Variants in BLOC1S3 observed in about 807,000 individuals in gnomAD.
The protein encoded by BLOC1S3 is biogenesis of lysosome-related organelles complex 1 subunit 3.
BLOC1S3 carries 7 observed loss-of-function variants against 9.1 expected under a neutral mutation model. The ratio of observed to expected loss-of-function variants is 0.77; its 90% confidence interval spans 0.44 to 1.45. The LOEUF (loss-of-function observed/expected upper bound fraction) is 1.45. Ranked by LOEUF, BLOC1S3 falls within the 40% of genes most tolerant of loss-of-function variation. BLOC1S3 has a pLI of 0.01. For synonymous variants in BLOC1S3, 145 were observed against 158.4 expected (o/e 0.92, Z 0.64); for missense variants, 307 against 315.2 (o/e 0.97, Z 0.20).
intron 2 of BLOC1S3, among the ~76,000 whole-genome samples, chr19:45,193,159 AAGAG>A (rs1969620175): frequency 6.8e-6 from 1 of 146,512 alleles, no homozygotes; most frequent in Non-Finnish European, 1.5e-5. Flanking sequence ...AAAAAAAAAA[AAGAG>A]ACTATTTTTG....
chr19:45,188,184 G>A (rs1184300700), intron 2 of BLOC1S3, among the ~76,000 whole-genome samples: 2 of 152,016 alleles, frequency 1.3e-5, no homozygotes, highest in African/African-American at 2.4e-5. Flanking sequence ...CACTATGTCC[G>A]ACTAATTTTT....
chr19:45,212,204 T>C (rs893483120), intron 3 of BLOC1S3, among the ~76,000 whole-genome samples: 2 of 152,100 alleles, frequency 1.3e-5, no homozygotes, highest in African/African-American at 4.8e-5. Context: ...CCAGGAGGTG[T>C]ACATGGGTTG....
At chr19:45,185,811 A>T (rs1187487828), downstream of BLOC1S3, among the ~76,000 whole-genome samples, 1 of 151,818 alleles carries the variant, frequency 6.6e-6, no homozygotes, top group East Asian at 1.9e-4. Flanking sequence ...TTTGTGCTTT[A>T]GCAAGAGATA....
chr19:45,206,439 G>T (rs1969726040), intron 3 of BLOC1S3, among the ~76,000 whole-genome samples: 1 of 72,796 alleles, frequency 1.4e-5, no homozygotes, highest in African/African-American at 6.5e-5. Context: ...ACCTTCTTTT[G>T]GATTAATCAA....
rs141286841 is a variant in BLOC1S3, at chr19:45,181,037, TG to T, written c.*1133del. The T allele has an allele frequency of 8.7e-3, 1,453 of 167,562 alleles. 9 individuals carry two copies. The highest frequency in any genetic ancestry group is 0.013 in the Middle Eastern group (4 of 298). 10.4% of individuals were successfully genotyped at this position (167,562 alleles called of 1,614,324 possible). A position where few individuals can be genotyped will look rare whatever the true frequency, so the allele number is the denominator to read the frequency against. On this transcript the variant is annotated 3_prime_UTR_variant, in exon 2 of 2. Transcript: ENST00000433642. ...CACTGCGCCTAGCCAGCTGGGTCCT[TG>T]TTCTGCTGCCCAAGCTTGGCCCTGG...
chr19:45,210,466 G>A lies in BLOC1S3; in HGVS notation n.283-6210G>A, dbSNP rs376770411. Among the ~76,000 whole-genome samples the A allele has an allele frequency of 2.0e-5, 3 of 151,392 alleles. No homozygotes were observed. In the South Asian group the frequency reaches 6.3e-4, roughly 32 times the overall value. On this transcript the variant is annotated intron_variant and non_coding_transcript_variant, in intron 3 of 3. Coordinates refer to the BLOC1S3 transcript ENST00000591569. ...TAGATGCGCCACCACGCCTGGCTAAGTTTTGAATTTTTAGTAGAGATGTGG... is the reference window on the plus strand; with the variant it reads ...TAGATGCGCCACCACGCCTGGCTAAATTTTGAATTTTTAGTAGAGATGTGG...
At chr19:45,215,883 G>A (rs919985787) in intron 3 of BLOC1S3, among the ~76,000 whole-genome samples, 6 of 152,274 alleles carry the variant, frequency 3.9e-5, no homozygotes, top group African/African-American at 7.2e-5. Flanking sequence ...CGGTGGCGGC[G>A]GAGGCAGCAG....
At chr19:45,193,056 C>T (rs555335152) in intron 2 of BLOC1S3, among the ~76,000 whole-genome samples, 1 of 142,606 alleles carries the variant, frequency 7.0e-6, no homozygotes, top group Non-Finnish European at 1.5e-5. Flanking sequence ...TACTTGAACC[C>T]AGGAGGCGGA....
At chr19:45,212,598 C>CTT (rs530736333) in intron 3 of BLOC1S3, 11,064 of 111,026 alleles carry the variant, frequency 0.1, 841 homozygotes, top group African/African-American at 0.21. Context: ...TTCCCCCTAC[C>CTT]TTTTTTTTTT....
At chr19:45,201,076 G>A (rs983656046) in intron 2 of BLOC1S3, among the ~76,000 whole-genome samples, 16 of 152,048 alleles carry the variant, frequency 1.1e-4, no homozygotes, top group African/African-American at 3.4e-4. Flanking sequence ...AGGGGTGGGC[G>A]CCTGTAGTCC....
downstream of BLOC1S3, among the ~76,000 whole-genome samples, chr19:45,183,689 A>T (rs1969545433): frequency 7.6e-6 from 1 of 131,936 alleles, no homozygotes; most frequent in Non-Finnish European, 1.5e-5. Flanking sequence ...TGCAGTGGCG[A>T]GATCTCAGCT....
chr19:45,214,926 C>T (rs1284610008), intron 3 of BLOC1S3, among the ~76,000 whole-genome samples: 1 of 151,960 alleles, frequency 6.6e-6, no homozygotes, highest in African/African-American at 2.4e-5. Context: ...GAGGCAGAGG[C>T]AGGCGGATCA....
At chr19:45,204,746 T>C (rs865878143) in intron 3 of BLOC1S3, among the ~76,000 whole-genome samples, 15 of 150,854 alleles carry the variant, frequency 9.9e-5, no homozygotes, top group African/African-American at 2.7e-4. Context: ...TTTTTTTTTT[T>C]CCCCAGATGG....
In BLOC1S3 at chr19:45,189,692, G is replaced by A. The variant is rs1021788830; in HGVS notation, n.180+1952G>A. Among the ~76,000 whole-genome samples, 8 of 148,720 alleles carry A rather than the reference G, an allele frequency of 5.4e-5. No homozygotes were observed. The East Asian group carries it at 8.2e-4, about 15-fold the overall frequency. On this transcript the variant is annotated intron_variant and non_coding_transcript_variant, in intron 2 of 3. Transcript: ENST00000591569. ...ACTCCCGATCTCAGGTGATCCGCCC[G>A]CCCAAAGTGTTGGGATTACAGGCGT...
chr19:45,191,606 TAA>T (rs1969607862), intron 2 of BLOC1S3, among the ~76,000 whole-genome samples: 2 of 152,230 alleles, frequency 1.3e-5, no homozygotes, highest in Admixed American at 6.5e-5. Flanking sequence ...TGTTGCGATC[TAA>T]GTCTTTAGTC....
At chr19:45,194,930 T>C (rs973984234) in intron 2 of BLOC1S3, among the ~76,000 whole-genome samples, 4 of 145,610 alleles carry the variant, frequency 2.7e-5, no homozygotes, top group Admixed American at 2.0e-4. Context: ...ATGTGTGTTA[T>C]ACTTTTTTTT....
chr19:45,191,373 G>A (rs1428402839), intron 2 of BLOC1S3, among the ~76,000 whole-genome samples: 3 of 152,020 alleles, frequency 2.0e-5, no homozygotes, highest in Non-Finnish European at 4.4e-5. Flanking sequence ...TGCCCGCCTC[G>A]GCCTCCCAAA....
intron 3 of BLOC1S3, among the ~76,000 whole-genome samples, chr19:45,207,179 C>A (rs1265341771): frequency 6.6e-6 from 1 of 151,010 alleles, no homozygotes; most frequent in African/African-American, 2.4e-5. Context: ...GTTGCCCAGG[C>A]TGGAATGCAG....
At chr19:45,188,762 G>T (rs1427950542) in intron 2 of BLOC1S3, among the ~76,000 whole-genome samples, 1 of 151,168 alleles carries the variant, frequency 6.6e-6, no homozygotes, top group East Asian at 2.0e-4. Flanking sequence ...AGTAGAGACG[G>T]GGTTTCACCA....
Sources: gnomAD v4.1 joint callset for allele counts (sites outside exome capture counted in the v4.1 genomes callset) on GRCh38, gnomAD v4.1.1 for gene constraint, MANE v1.5 for transcripts, NCBI Gene and HGNC (gene_info 2026-07-23, HGNC 2026-07-21) for gene names.